Variants in FAT3 observed in about 807,000 individuals in gnomAD.
The protein encoded by FAT3 is protocadherin Fat 3.
A neutral mutation model predicts 310.2 loss-of-function variants in FAT3; 95 were observed. The ratio of observed to expected loss-of-function variants is 0.31; its 90% confidence interval spans 0.26 to 0.36. The LOEUF (loss-of-function observed/expected upper bound fraction) is 0.36. FAT3 is among the 10% of genes least tolerant of loss of function. The pLI is 1.00. For synonymous variants in FAT3, 2,314 were observed against 2,192.9 expected (o/e 1.06, Z -1.54); for missense variants, 5,408 against 5,715.6 (o/e 0.95, Z 1.74).
intron 2 of FAT3, among the ~76,000 whole-genome samples, chr11:92,501,521 T>G (rs1451350666): frequency 2.6e-5 from 4 of 152,056 alleles, no homozygotes; most frequent in African/African-American, 9.7e-5. Context: ...AATGGCGGTA[T>G]TCATGTGTGA....
At chr11:92,818,849 C>T (rs545121957) in intron 13 of FAT3, among the ~76,000 whole-genome samples, 4 of 152,298 alleles carry the variant, frequency 2.6e-5, no homozygotes, top group Admixed American at 2.6e-4. Flanking sequence ...TTCTGAGCTC[C>T]TGCGCATGTC....
At chr11:92,341,178 C>T (rs780085732) in intron 1 of FAT3, among the ~76,000 whole-genome samples, 1 of 152,144 alleles carries the variant, frequency 6.6e-6, no homozygotes, top group Non-Finnish European at 1.5e-5. Flanking sequence ...TAAGGCGTGT[C>T]TACAAAAATG....
chr11:92,441,601 A>G (rs185374966), intron 2 of FAT3, among the ~76,000 whole-genome samples: 52 of 152,256 alleles, frequency 3.4e-4, no homozygotes, highest in Non-Finnish European at 2.4e-4. Context: ...CTCTCTATCA[A>G]TACCTGGAGA....
At chr11:92,697,683 T>C (rs962440715) in intron 4 of FAT3, among the ~76,000 whole-genome samples, 1 of 152,182 alleles carries the variant, frequency 6.6e-6, no homozygotes, top group Admixed American at 6.5e-5. Flanking sequence ...CAATGGTGTA[T>C]CACCGTCTCT....
intron 1 of FAT3, among the ~76,000 whole-genome samples, chr11:92,247,742 T>A (rs1037319805): frequency 7.3e-6 from 1 of 137,360 alleles, no homozygotes; most frequent in Non-Finnish European, 1.6e-5. Context: ...TTTTTTTTTT[T>A]ATATTCAAGC....
chr11:92,644,360 T>G (rs1942074771), intron 3 of FAT3, among the ~76,000 whole-genome samples: 1 of 152,168 alleles, frequency 6.6e-6, no homozygotes, highest in Non-Finnish European at 1.5e-5. Flanking sequence ...TAATGCTAAA[T>G]TTTGAGATGT....
intron 3 of FAT3, among the ~76,000 whole-genome samples, chr11:92,635,570 T>A (rs539620952): frequency 2.4e-4 from 36 of 152,346 alleles, no homozygotes; most frequent in South Asian, 1.0e-3. Flanking sequence ...GTGATTTTTT[T>A]AAAATTATTT....
chr11:92,698,403 G>A (rs975558681), intron 4 of FAT3, among the ~76,000 whole-genome samples: 2 of 152,074 alleles, frequency 1.3e-5, no homozygotes, highest in Non-Finnish European at 2.9e-5. Flanking sequence ...AGGCTACCTG[G>A]GTCTTGAAGC....
chr11:92,840,436 C>T, intron 17 of FAT3, 126 bp from the exon 18 acceptor site: 1 of 869,084 alleles, frequency 1.2e-6, no homozygotes, highest in Non-Finnish European at 1.7e-6. Context: ...GCTGAAAGCC[C>T]TGTTTTCTAG....
chr11:92,567,971 G>T (rs994385702), intron 3 of FAT3, among the ~76,000 whole-genome samples: 1 of 151,928 alleles, frequency 6.6e-6, no homozygotes, highest in South Asian at 2.1e-4. Context: ...CAGTGCACCC[G>T]CATGGCACAT....
At chr11:92,496,796 A>G (rs1441290117) in intron 2 of FAT3, among the ~76,000 whole-genome samples, 1 of 152,014 alleles carries the variant, frequency 6.6e-6, no homozygotes, top group East Asian at 1.9e-4. Flanking sequence ...TATGTTTTAT[A>G]ATATGAGAGT....
intron 2 of FAT3, among the ~76,000 whole-genome samples, chr11:92,488,739 T>G (rs1452932198): frequency 3.3e-5 from 5 of 152,062 alleles, no homozygotes; most frequent in Non-Finnish European, 5.9e-5. Flanking sequence ...TGTTATTTGC[T>G]CAGCAAAGCC....
At chr11:92,295,669 T>C (rs1946830200) in intron 1 of FAT3, among the ~76,000 whole-genome samples, 1 of 152,108 alleles carries the variant, frequency 6.6e-6, no homozygotes, top group African/African-American at 2.4e-5. Flanking sequence ...ATTGTTCTCT[T>C]CTTAAGGGAA....
intron 7 of FAT3, among the ~76,000 whole-genome samples, chr11:92,786,259 G>A (rs1946890950): frequency 6.6e-6 from 1 of 151,990 alleles, no homozygotes; most frequent in Non-Finnish European, 1.5e-5. Flanking sequence ...ATTCTAAACT[G>A]TGAATTAACA....
chr11:92,642,926 T>G (rs1271881047), intron 3 of FAT3, among the ~76,000 whole-genome samples: 1 of 152,214 alleles, frequency 6.6e-6, no homozygotes, highest in Admixed American at 6.5e-5. Flanking sequence ...TGCCATGCAC[T>G]GTACCTGGGC....
chr11:92,702,692 T>C (rs1394183777), intron 4 of FAT3, among the ~76,000 whole-genome samples: 1 of 152,232 alleles, frequency 6.6e-6, no homozygotes. Flanking sequence ...AAGATACATC[T>C]ACTTAAATAA....
Position 92,790,012 on chromosome 11 carries a change from A to G in FAT3, c.4405A>G (p.Ile1469Val), listed in dbSNP as rs145486262. ...CTCTCAGCCGAATTACGATGTGACA[A>G]TTTCCGAGGATGTGCTTCCAGACAC... The part of the protein sequence containing the change: ...EFSQPNYDVT[I>V]SEDVLPDTEI... The change falls in exon 8 of 28, where the codon ATT becomes GTT. Residue 1469 changes from isoleucine to valine, a missense_variant. Transcript: ENST00000525166. 1.0e-4 allele frequency: 163 copies of G among 1,613,820 alleles called. No individual in the cohort carries two copies. Among genetic ancestry groups the G allele is most frequent in the Admixed American group, 1.8e-4 (11 of 60,002 alleles).
At chr11:92,317,971 C>T (rs1947509916) in intron 1 of FAT3, among the ~76,000 whole-genome samples, 1 of 152,156 alleles carries the variant, frequency 6.6e-6, no homozygotes, top group Non-Finnish European at 1.5e-5. Flanking sequence ...CAATCTTCTG[C>T]CACTTCTAGG....
At chr11:92,348,136 C>A (rs1484824489) in intron 1 of FAT3, among the ~76,000 whole-genome samples, 1 of 143,430 alleles carries the variant, frequency 7.0e-6, no homozygotes, top group Non-Finnish European at 1.5e-5. Flanking sequence ...CCAGATAGGG[C>A]TTTTTTTTTT....
Sources: allele counts gnomAD v4.1 joint callset (sites outside exome capture counted in the v4.1 genomes callset), GRCh38; gene constraint gnomAD v4.1.1; transcripts MANE v1.5; gene names NCBI Gene and HGNC (gene_info 2026-07-23, HGNC 2026-07-21).